Variants in MARVELD2 observed in about 807,000 individuals in gnomAD.
MARVELD2 encodes MARVEL domain containing 2.
In MARVELD2, 49 loss-of-function variants were observed where a neutral mutation model predicts 57.6. The ratio of observed to expected loss-of-function variants is 0.85; its 90% confidence interval spans 0.68 to 1.08. The LOEUF (loss-of-function observed/expected upper bound fraction) is 1.08. MARVELD2 is among the 50% of genes least tolerant of loss of function. The pLI, the probability that MARVELD2 is intolerant of heterozygous loss-of-function variation, is 0.00. For synonymous variants in MARVELD2, 238 were observed against 258.8 expected (o/e 0.92, Z 0.77); for missense variants, 606 against 701.1 (o/e 0.86, Z 1.53).
At chr5:69,433,175 T>A in intron 5 of MARVELD2, 82 bp downstream of exon 5, 1 of 1,379,580 alleles carries the variant, frequency 7.2e-7, no homozygotes, top group Non-Finnish European at 1.0e-6. Flanking sequence ...TTTTTTTTTT[T>A]TTCTGTGAGA....
At chr5:69,429,983 A>G (rs2434507) in intron 3 of MARVELD2, among the ~76,000 whole-genome samples, 75,488 of 151,658 alleles carry the variant, frequency 0.5, 18,813 homozygotes, top group South Asian at 0.54. Flanking sequence ...ACGATTCACT[A>G]CAGCCTTGAC....
At position 69,433,016 on chromosome 5, in the gene MARVELD2, GT is replaced by G. The variant is rs753580077; in HGVS notation, c.1428del (p.Gln477ArgfsTer4). On this transcript the variant is annotated frameshift_variant, in exon 5 of 7. Transcript: ENST00000325631. LOFTEE classifies it high-confidence loss of function. ...FSEYKELSAE[V>X]QAVLRKFDEL... is the part of the protein sequence containing the mutation. ...AGAGTACAAAGAGCTGTCTGCAGAA[GT>G]TCAGGCTGTCCTGAGGAAGTTTGAT... 1.4e-5 allele frequency: 23 copies of G among 1,614,102 alleles called. No homozygotes were observed. Among genetic ancestry groups the G allele is most frequent in the Non-Finnish European group, 1.7e-6 (2 of 1,180,048 alleles).
At chr5:69,439,871 T>C (rs1414450857) in intron 5 of MARVELD2, among the ~76,000 whole-genome samples, 1 of 152,156 alleles carries the variant, frequency 6.6e-6, no homozygotes, top group Non-Finnish European at 1.5e-5. Context: ...TAGTAATGTG[T>C]TCCCTTTGGA....
chr5:69,420,121 T>C lies in MARVELD2; in HGVS notation c.736T>C (p.Tyr246His). 1 of 1,614,160 alleles carries C rather than the reference T, an allele frequency of 6.2e-7. No individual in the cohort carries two copies. Among genetic ancestry groups the C allele is most frequent in the Non-Finnish European group, 8.5e-7 (1 of 1,180,024 alleles). ...VGGLGSMYGG[Y>H]YYTGPKTPFV... is the part of the protein sequence containing the mutation. ...TGGATTGGGCAGTATGTATGGGGGC[T>C]ATTACTACACTGGCCCTAAGACCCC... Residue 246 changes from tyrosine (Y) to histidine (H), a missense_variant, in exon 2 of 7, where the codon TAT (tyrosine) becomes CAT (histidine). By Grantham distance (83) the Tyr-to-His change is moderately conservative. Coordinates refer to ENST00000325631, the MANE Select transcript of MARVELD2 (RefSeq NM_001038603.3).
intron 1 of MARVELD2, among the ~76,000 whole-genome samples, chr5:69,417,013 C>T (rs1439176828): frequency 1.3e-5 from 2 of 152,198 alleles, no homozygotes; most frequent in Admixed American, 1.3e-4. Context: ...ATTCAGATGG[C>T]CTCAGTTCTA....
chr5:69,418,047 G>T (rs1245194612), intron 1 of MARVELD2, among the ~76,000 whole-genome samples: 1 of 152,126 alleles, frequency 6.6e-6, no homozygotes, highest in Non-Finnish European at 1.5e-5. Context: ...GATTGAGGCT[G>T]CAGTGAGCTA....
At chr5:69,436,564 G>A (rs1767150939) in intron 5 of MARVELD2, among the ~76,000 whole-genome samples, 1 of 151,996 alleles carries the variant, frequency 6.6e-6, no homozygotes, top group Non-Finnish European at 1.5e-5. Context: ...AGCCAAATGT[G>A]TATTACAGTA....
chr5:69,432,984 A>G lies in MARVELD2; in HGVS notation c.1394A>G (p.Gln465Arg). Reference protein sequence around the residue: ...RERYKAVFQDQFSEYKELSAE... With the variant: ...RERYKAVFQDRFSEYKELSAE... ...CGCTATAAAGCTGTGTTCCAAGACC[A>G]GTTTTCAGAGTACAAAGAGCTGTCT... The change falls in exon 5 of 7, where the codon CAG becomes CGG. Residue 465 changes from glutamine (Q) to arginine (R), a missense_variant. Coordinates refer to ENST00000325631, the MANE Select transcript of MARVELD2 (RefSeq NM_001038603.3). The G allele has an allele frequency of 6.2e-7, 1 of 1,614,214 alleles. No homozygotes were observed. Among genetic ancestry groups the G allele is most frequent in the Non-Finnish European group, 8.5e-7 (1 of 1,180,042 alleles).
chr5:69,418,451 C>G (rs1333814251), intron 1 of MARVELD2, among the ~76,000 whole-genome samples: 1 of 152,182 alleles, frequency 6.6e-6, no homozygotes, highest in African/African-American at 2.4e-5. Flanking sequence ...TTCTGAGATA[C>G]TTGAGTCTCT....
chr5:69,418,832 T>G (rs1766506272), intron 1 of MARVELD2: 1 of 153,818 alleles, frequency 6.5e-6, no homozygotes, highest in Non-Finnish European at 1.4e-5. Flanking sequence ...GTGTTCGCGT[T>G]CTGTTGTGTT....
chr5:69,441,319 G>A (rs1488327809), intron 6 of MARVELD2, among the ~76,000 whole-genome samples: 1 of 151,140 alleles, frequency 6.6e-6, no homozygotes, highest in African/African-American at 2.4e-5. Context: ...TTAGCACTTT[G>A]TACTTCTGCT....
rs1347182181 is a variant in MARVELD2 at position 69,420,163 on chromosome 5, G to A, written c.778G>A (p.Ala260Thr). ...TAAGACCCCTTTTGTACTCGTGGTTGCTGGATTAGCTTGGATCACCACCAT... is the reference window on the plus strand; with the variant it reads ...TAAGACCCCTTTTGTACTCGTGGTTACTGGATTAGCTTGGATCACCACCAT... Reference protein sequence around the residue: ...GPKTPFVLVVAGLAWITTIII... With the variant: ...GPKTPFVLVVTGLAWITTIII... The change falls in exon 2 of 7, where the codon GCT (alanine) becomes ACT (threonine). Residue 260 changes from alanine (A) to threonine (T), a missense_variant. Physicochemically the swap from Ala to Thr is moderately conservative, Grantham distance 58. Coordinates refer to ENST00000325631, the MANE Select transcript of MARVELD2 (RefSeq NM_001038603.3). 3 of 1,614,052 alleles carry A rather than the reference G, an allele frequency of 1.9e-6. No individual in the cohort carries two copies. The Admixed American group carries it at 5.0e-5, about 27-fold the overall frequency.
At position 69,420,187 on chromosome 5, in the gene MARVELD2, A is replaced by G. The variant is rs749471157; in HGVS notation, c.802A>G (p.Ile268Val). 1.9e-6 allele frequency: 3 copies of G among 1,614,054 alleles called. No homozygotes were observed. The highest frequency in any genetic ancestry group is 2.2e-5 in the East Asian group (1 of 44,876). Residue 268 changes from isoleucine to valine, a missense_variant, in exon 2 of 7, where the codon ATT becomes GTT. Physicochemically the swap from Ile to Val is conservative, Grantham distance 29. Transcript: ENST00000325631. ...TGCTGGATTAGCTTGGATCACCACC[A>G]TTATTATTCTGGTTCTTGGCATGTC... The part of the protein sequence containing the change: ...VVAGLAWITT[I>V]IILVLGMSMY...
At chr5:69,415,957 T>G (rs1457550235) in intron 1 of MARVELD2, among the ~76,000 whole-genome samples, 1 of 152,248 alleles carries the variant, frequency 6.6e-6, no homozygotes, top group East Asian at 1.9e-4. Context: ...ATATTTAAGA[T>G]GTAATGAAAT....
Position 69,419,876 on chromosome 5 carries a change from GAC to G in MARVELD2, c.499_500del (p.Gln167AsnfsTer7). 2 of 1,614,114 alleles carry G rather than the reference GAC, an allele frequency of 1.2e-6. No homozygotes were observed. The highest frequency in any genetic ancestry group is 1.7e-6 in the Non-Finnish European group (2 of 1,180,038). ...CGGGATCCCTATGGATCTCTAGACC[GAC>G]ACACACAAACAGTTCGAACATACAG... is the stretch of plus-strand genomic sequence containing the variant. On this transcript the variant is annotated frameshift_variant, in exon 2 of 7. Coordinates refer to ENST00000325631, the MANE Select transcript of MARVELD2 (RefSeq NM_001038603.3). LOFTEE classifies it high-confidence loss of function.
In MARVELD2 at chr5:69,444,236, G is replaced by A. The variant is rs1767407072; in HGVS notation, c.*2582G>A. 6.6e-6 allele frequency: 1 copy of A among 151,992 alleles called. No homozygotes were observed. Among genetic ancestry groups the A allele is most frequent in the Non-Finnish European group, 1.5e-5 (1 of 67,984 alleles). The allele number at this position is 151,992 out of a possible 1,614,324, so 9.4% of individuals were successfully genotyped here. A position where few individuals can be genotyped will look rare whatever the true frequency, so the allele number is the denominator to read the frequency against. Reference sequence around the variant, plus strand: ...GCCGTGTGTGTGTGTGCCCTTTTATGTTTGCCTTCCTAGCATTCCTGTGTT... The same window carrying A: ...GCCGTGTGTGTGTGTGCCCTTTTATATTTGCCTTCCTAGCATTCCTGTGTT... On this transcript the variant is annotated 3_prime_UTR_variant, in exon 7 of 7. Transcript: ENST00000325631.
chr5:69,442,197 G>A lies in MARVELD2; in HGVS notation c.*543G>A, dbSNP rs1767348216. 6.6e-6 allele frequency: 1 copy of A among 152,220 alleles called. No individual in the cohort carries two copies. Among genetic ancestry groups the A allele is most frequent in the African/African-American group, 2.4e-5 (1 of 41,436 alleles). 9.4% of individuals were successfully genotyped at this position (152,220 alleles called of 1,614,324 possible). A position where few individuals can be genotyped will look rare whatever the true frequency, so the allele number is the denominator to read the frequency against. On this transcript the variant is annotated 3_prime_UTR_variant, in exon 7 of 7. Transcript: ENST00000325631. Reference sequence around the variant, plus strand: ...AGAGATCGTATCCTGGCAGTGTGATGGGCAAGTGGACCATCAATTCTGGTG... The same window carrying A: ...AGAGATCGTATCCTGGCAGTGTGATAGGCAAGTGGACCATCAATTCTGGTG...
At chr5:69,432,037 G>A (rs1014792181) in intron 3 of MARVELD2, among the ~76,000 whole-genome samples, 9 of 150,762 alleles carry the variant, frequency 6.0e-5, no homozygotes, top group African/African-American at 2.2e-4. Context: ...TTTAAACAGA[G>A]TCTCAGTCTG....
At chr5:69,426,783 C>T (rs1046245179) in intron 3 of MARVELD2, among the ~76,000 whole-genome samples, 1 of 152,178 alleles carries the variant, frequency 6.6e-6, no homozygotes. Context: ...AATCCTCCCA[C>T]CTTAACCTCC....
Sources: allele counts gnomAD v4.1 joint callset (sites outside exome capture counted in the v4.1 genomes callset), GRCh38; gene constraint gnomAD v4.1.1; transcripts MANE v1.5; gene names NCBI Gene and HGNC (gene_info 2026-07-23, HGNC 2026-07-21).